KLHL1: variants seen among roughly 807,000 people sequenced by gnomAD.
KLHL1 encodes kelch like family member 1.
A neutral mutation model predicts 77.7 loss-of-function variants in KLHL1; 47 were observed. The ratio of observed to expected loss-of-function variants is 0.60; its 90% confidence interval spans 0.48 to 0.77. KLHL1 has a LOEUF of 0.77. KLHL1 is among the 30% of genes least tolerant of loss of function. KLHL1 has a pLI of 0.00. For synonymous variants in KLHL1, 360 were observed against 325.2 expected, an observed-to-expected ratio of 1.11 and a Z score of -1.15; for missense variants, 925 against 910.8, an observed-to-expected ratio of 1.02 and a Z score of -0.20.
chr13:70,042,685 A>G (rs1024409547), intron 1 of KLHL1, among the ~76,000 whole-genome samples: 1 of 152,200 alleles, frequency 6.6e-6, no homozygotes, highest in Admixed American at 6.5e-5. Flanking sequence ...TGTATTTACA[A>G]TATTATAATT....
At chr13:70,024,624 C>CTCTCTCTCTTTCTCTCTT (rs1885890855) in intron 1 of KLHL1, among the ~76,000 whole-genome samples, 2 of 49,926 alleles carry the variant, frequency 4.0e-5, no homozygotes, top group African/African-American at 2.3e-4. Context: ...AAAGATTTCT[C>CTCTCTCTCTTTCTCTCTT]TCTCTCTCTC....
chr13:69,716,424 A>G (rs1052604806), intron 9 of KLHL1, among the ~76,000 whole-genome samples: 1 of 152,172 alleles, frequency 6.6e-6, no homozygotes, highest in Non-Finnish European at 1.5e-5. Flanking sequence ...AATGATGTAG[A>G]AAGAGTTTTA....
chr13:69,868,437 TAATG>T lies in KLHL1; in HGVS notation c.1227+13842_1227+13845del, dbSNP rs1486398446. Among the ~76,000 whole-genome samples the T allele has an allele frequency of 6.6e-5, 10 of 152,188 alleles. No homozygotes were observed. In the East Asian group the frequency reaches 1.9e-3, roughly 29 times the overall value. ...CATACATTTTTTTAGATGATGGTGA[TAATG>T]AATGTTAAGAGGCTCAGTAAACAAC... On this transcript the variant is annotated intron_variant, in intron 5 of 10. Coordinates refer to ENST00000377844, the MANE Select transcript of KLHL1 (RefSeq NM_020866.3).
Position 69,947,173 on chromosome 13 carries a change from C to G in KLHL1, c.818-6937G>C, listed in dbSNP as rs1883559512. 2.0e-5 allele frequency among the ~76,000 whole-genome samples: 3 copies of G among 151,840 alleles called. No homozygotes were observed. The South Asian group carries it at 6.2e-4, about 32-fold the overall frequency. Reference sequence around the variant, plus strand: ...CCTGTTGATATCTCTATTATACTCTCTTCCTTTAAGCTCTTTCAGTGTTTC... The same window carrying G: ...CCTGTTGATATCTCTATTATACTCTGTTCCTTTAAGCTCTTTCAGTGTTTC... On this transcript the variant is annotated intron_variant, in intron 3 of 10. Coordinates refer to ENST00000377844, the MANE Select transcript of KLHL1 (RefSeq NM_020866.3).
intron 6 of KLHL1, 26 bp downstream of exon 6, chr13:69,838,950 A>C (rs1879134558): frequency 1.3e-6 from 2 of 1,521,974 alleles, no homozygotes; most frequent in East Asian, 4.6e-5. Context: ...CAGGATGTAT[A>C]GTTATATAAA....
At chr13:69,778,765 A>G (rs1875964417) in intron 7 of KLHL1, among the ~76,000 whole-genome samples, 1 of 150,094 alleles carries the variant, frequency 6.7e-6, no homozygotes, top group Admixed American at 6.7e-5. Flanking sequence ...TCTACTGTAT[A>G]TAATATTGAA....
At chr13:69,900,147 G>T (rs867827720) in intron 4 of KLHL1, among the ~76,000 whole-genome samples, 2 of 152,102 alleles carry the variant, frequency 1.3e-5, no homozygotes, top group Non-Finnish European at 2.9e-5. Context: ...ATATGGGTTT[G>T]CCTCTATGCC....
At chr13:69,971,250 C>T (rs1157508163) in intron 2 of KLHL1, among the ~76,000 whole-genome samples, 1 of 151,940 alleles carries the variant, frequency 6.6e-6, no homozygotes, top group Non-Finnish European at 1.5e-5. Context: ...TAAATGCAAA[C>T]TACTTTAAAC....
intron 9 of KLHL1, among the ~76,000 whole-genome samples, chr13:69,710,922 A>G (rs759277672): frequency 6.6e-5 from 10 of 152,018 alleles, no homozygotes; most frequent in Non-Finnish European, 1.2e-4. Context: ...GCTCCGTATC[A>G]GAGACTCTAT....
rs1247464017 is a variant in KLHL1, at chr13:70,058,692, C to G, written c.497+48511G>C. ...TCCTATAAAATACCAATGATATTCA[C>G]AGAAACAGAAAAAATAATCCTAAAA... On this transcript the variant is annotated intron_variant, in intron 1 of 10. Transcript: ENST00000377844. Among the ~76,000 whole-genome samples, 6 of 152,140 alleles carry G rather than the reference C, an allele frequency of 3.9e-5. No individual in the cohort carries two copies. The East Asian group carries it at 1.2e-3, about 29-fold the overall frequency.
intron 5 of KLHL1, among the ~76,000 whole-genome samples, chr13:69,866,840 T>C (rs1265274640): frequency 6.6e-6 from 1 of 152,174 alleles, no homozygotes; most frequent in Admixed American, 6.6e-5. Flanking sequence ...GAGGGCTTCG[T>C]AATTCAGAAC....
intron 1 of KLHL1, among the ~76,000 whole-genome samples, chr13:70,039,803 C>A (rs1037814764): frequency 3.3e-5 from 5 of 151,854 alleles, no homozygotes; most frequent in African/African-American, 1.2e-4. Flanking sequence ...TCATGCCTAG[C>A]TAATTTTTAA....
intron 5 of KLHL1, among the ~76,000 whole-genome samples, chr13:69,867,744 T>C (rs1880417618): frequency 6.6e-6 from 1 of 151,314 alleles, no homozygotes; most frequent in African/African-American, 2.4e-5. Context: ...TTTCCTATAA[T>C]TCATTTATAA....
At chr13:69,958,446 C>G (rs1387305282) in intron 3 of KLHL1, among the ~76,000 whole-genome samples, 1 of 146,602 alleles carries the variant, frequency 6.8e-6, no homozygotes, top group African/African-American at 2.6e-5. Flanking sequence ...GTTATTTTTT[C>G]AAAGATTATA....
At chr13:69,780,711 T>TATATAC (rs1566243654) in intron 7 of KLHL1, among the ~76,000 whole-genome samples, 2 of 40,016 alleles carry the variant, frequency 5.0e-5, no homozygotes, top group Non-Finnish European at 9.1e-5. Flanking sequence ...TGTATATATA[T>TATATAC]ATATGTATAT....
chr13:69,840,428 C>A (rs943652874), intron 5 of KLHL1, among the ~76,000 whole-genome samples: 1 of 151,686 alleles, frequency 6.6e-6, no homozygotes, highest in Non-Finnish European at 1.5e-5. Flanking sequence ...TTCACCATGT[C>A]GGCCAGGCTA....
At chr13:69,981,927 T>G in intron 1 of KLHL1, among the ~76,000 whole-genome samples, 1 of 147,672 alleles carries the variant, frequency 6.8e-6, no homozygotes, top group East Asian at 1.9e-4. Flanking sequence ...AAGAGGATAC[T>G]ATTAAAATAA....
At chr13:69,931,028 G>T (rs879786329) in intron 4 of KLHL1, among the ~76,000 whole-genome samples, 1 of 151,440 alleles carries the variant, frequency 6.6e-6, no homozygotes, top group Admixed American at 6.6e-5. Flanking sequence ...ACCTTAATTT[G>T]TTACTATCAT....
chr13:70,023,488 A>T (rs1429738231), intron 1 of KLHL1, among the ~76,000 whole-genome samples: 1 of 151,904 alleles, frequency 6.6e-6, no homozygotes, highest in Non-Finnish European at 1.5e-5. Context: ...CCATAACATC[A>T]TTTAAGTTCA....
Sources: gnomAD v4.1 joint callset for allele counts (sites outside exome capture counted in the v4.1 genomes callset) on GRCh38, gnomAD v4.1.1 for gene constraint, MANE v1.5 for transcripts, NCBI Gene and HGNC (gene_info 2026-07-23, HGNC 2026-07-21) for gene names.